The following ASTN2 variants were observed in gnomAD, a reference collection of about 807,000 sequenced individuals.
The protein encoded by ASTN2 is astrotactin 2, also known as astrotactin-2.
ASTN2 carries 54 observed loss-of-function variants against 139.8 expected under a neutral mutation model. That is an observed-to-expected ratio of 0.39 (90% CI 0.31 to 0.48). The LOEUF (loss-of-function observed/expected upper bound fraction) is 0.48. Ranked by LOEUF, ASTN2 falls within the 20% of genes least tolerant of loss-of-function variation. The probability of loss-of-function intolerance (pLI) is 0.95; values close to 1 mark genes in which losing one functional copy is unlikely to be tolerated. For missense variants in ASTN2, 1,565 were observed against 1,725.1 expected, an observed-to-expected ratio of 0.91 and a Z score of 1.64; for synonymous variants, 756 against 719.5, an observed-to-expected ratio of 1.05 and a Z score of -0.81.
At position 116,986,323 on chromosome 9, in the gene ASTN2, C is replaced by T. The variant is rs145572929; in HGVS notation, c.1592-9538G>A. On this transcript the variant is annotated intron_variant, in intron 7 of 22. Coordinates refer to ENST00000313400, the MANE Select transcript of ASTN2 (RefSeq NM_001365068.1). The stretch of plus-strand genomic sequence containing the variant: ...GATCTTACTGCTGCAGACCAGCTAC[C>T]CTTCTCTGGATAATTCCTCTATACC... Among the ~76,000 whole-genome samples the T allele has an allele frequency of 3.0e-3, 450 of 152,260 alleles. 3 individuals are homozygous for T. The highest frequency in any genetic ancestry group is 0.01 in the African/African-American group (425 of 41,546).
intron 10 of ASTN2, among the ~76,000 whole-genome samples, chr9:116,954,656 T>C (rs1835660175): frequency 8.0e-6 from 1 of 124,368 alleles, no homozygotes; most frequent in Non-Finnish European, 2.0e-5. Flanking sequence ...CAATAAAACT[T>C]TATTTATTAA....
intron 10 of ASTN2, among the ~76,000 whole-genome samples, chr9:116,901,505 A>G (rs1027920029): frequency 6.6e-6 from 1 of 152,186 alleles, no homozygotes; most frequent in African/African-American, 2.4e-5. Flanking sequence ...TTGCTTAATG[A>G]CATTGCGACA....
At chr9:117,188,709 T>A (rs1831270415) in intron 3 of ASTN2, among the ~76,000 whole-genome samples, 1 of 152,158 alleles carries the variant, frequency 6.6e-6, no homozygotes, top group African/African-American at 2.4e-5. Context: ...AATAAACAAC[T>A]TGTTTAAGGT....
chr9:117,172,525 A>G (rs1260405458), intron 3 of ASTN2, among the ~76,000 whole-genome samples: 1 of 152,162 alleles, frequency 6.6e-6, no homozygotes, highest in Non-Finnish European at 1.5e-5. Flanking sequence ...CTATTAATCT[A>G]CATGCATCAC....
chr9:117,179,001 T>C (rs1159193880), intron 3 of ASTN2, among the ~76,000 whole-genome samples: 1 of 152,202 alleles, frequency 6.6e-6, no homozygotes, highest in Non-Finnish European at 1.5e-5. Context: ...ACATAGTAGA[T>C]GAAGCGGATA....
chr9:116,976,218 T>C (rs150222045), intron 8 of ASTN2, 30 bp from the exon 9 acceptor site: 136 of 1,598,798 alleles, frequency 8.5e-5, no homozygotes, highest in Admixed American at 6.2e-4. Flanking sequence ...GGAGAGAAGA[T>C]GACATTAGTC....
intron 3 of ASTN2, among the ~76,000 whole-genome samples, chr9:117,193,064 G>C (rs1413791190): frequency 6.6e-6 from 1 of 152,136 alleles, no homozygotes; most frequent in Admixed American, 6.5e-5. Flanking sequence ...GTGGGTGATG[G>C]TAAACATTTG....
chr9:116,962,262 C>A (rs532463904), intron 10 of ASTN2, among the ~76,000 whole-genome samples: 2 of 152,216 alleles, frequency 1.3e-5, no homozygotes, highest in Admixed American at 1.3e-4. Context: ...CACTGCCTCC[C>A]CAGTGAGGAC....
intron 12 of ASTN2, among the ~76,000 whole-genome samples, chr9:116,819,508 G>C (rs1487309271): frequency 6.6e-6 from 1 of 152,142 alleles, no homozygotes; most frequent in East Asian, 1.9e-4. Flanking sequence ...AGCCCTGGAA[G>C]AAAAACTGGA....
At chr9:117,248,524 A>G (rs913340244) in intron 2 of ASTN2, among the ~76,000 whole-genome samples, 4 of 152,182 alleles carry the variant, frequency 2.6e-5, no homozygotes, top group African/African-American at 9.7e-5. Context: ...GAGACTTACA[A>G]GTGAGGCCAT....
intron 19 of ASTN2, among the ~76,000 whole-genome samples, chr9:116,601,387 C>A (rs535746131): frequency 6.6e-5 from 10 of 152,176 alleles, no homozygotes; most frequent in Admixed American, 1.3e-4. Flanking sequence ...ATTGAGTGCC[C>A]ATGGTATGCC....
intron 3 of ASTN2, among the ~76,000 whole-genome samples, chr9:117,143,954 T>A (rs1830133094): frequency 1.3e-5 from 2 of 152,202 alleles, no homozygotes; most frequent in Admixed American, 1.3e-4. Context: ...GATTGAATTG[T>A]GTTCCCTCCT....
intron 9 of ASTN2, 39 bp downstream of exon 9, chr9:116,976,075 A>G (rs1183410090): frequency 6.3e-6 from 10 of 1,594,778 alleles, no homozygotes; most frequent in Non-Finnish European, 8.6e-6. Flanking sequence ...TCCTTTCTCC[A>G]TTTCCCAGAA....
intron 1 of ASTN2, among the ~76,000 whole-genome samples, chr9:117,403,738 A>T (rs1334739974): frequency 2.0e-5 from 3 of 152,062 alleles, no homozygotes; most frequent in Admixed American, 6.5e-5. Flanking sequence ...ACCAGAAGGG[A>T]GAGGATTCTG....
chr9:117,198,166 A>T (rs1479650209), intron 3 of ASTN2, among the ~76,000 whole-genome samples: 2 of 150,218 alleles, frequency 1.3e-5, no homozygotes, highest in Non-Finnish European at 1.5e-5. Context: ...TGGTCCTCTA[A>T]GTTCCCTCCC....
At chr9:116,449,904 A>C (rs1196826645) in intron 20 of ASTN2, among the ~76,000 whole-genome samples, 1 of 152,118 alleles carries the variant, frequency 6.6e-6, no homozygotes, top group Non-Finnish European at 1.5e-5. Flanking sequence ...ATTCTCACCC[A>C]AGCAGTCAAG....
At chr9:117,085,336 C>G (rs1172490035) in intron 5 of ASTN2, among the ~76,000 whole-genome samples, 1 of 152,182 alleles carries the variant, frequency 6.6e-6, no homozygotes, top group African/African-American at 2.4e-5. Context: ...ACAATGGGCT[C>G]TCCCAGCAAG....
intron 5 of ASTN2, among the ~76,000 whole-genome samples, chr9:117,083,606 A>T (rs1828484576): frequency 6.6e-6 from 1 of 152,130 alleles, no homozygotes; most frequent in Non-Finnish European, 1.5e-5. Context: ...AAGAAAGGGG[A>T]TGACAGAGTA....
rs186608714 is a variant in ASTN2 at position 116,679,904 on chromosome 9, G to T, written c.2807-28111C>A. ...TAGAGGGAAATTTATAGCAATAAAT[G>T]CCCATAAGAGAAAGCAGGAAAGATC... On this transcript the variant is annotated intron_variant, in intron 16 of 22. Coordinates refer to ENST00000313400, the MANE Select transcript of ASTN2 (RefSeq NM_001365068.1). Among the ~76,000 whole-genome samples the T allele has an allele frequency of 5.6e-3, 848 of 152,252 alleles. 3 individuals carry two copies. The highest frequency in any genetic ancestry group is 0.014 in the Middle Eastern group (4 of 294).
Sources: allele counts gnomAD v4.1 joint callset (sites outside exome capture counted in the v4.1 genomes callset), GRCh38; gene constraint gnomAD v4.1.1; transcripts MANE v1.5; gene names NCBI Gene and HGNC (gene_info 2026-07-23, HGNC 2026-07-21).